Variants in B4GALNT4 observed in about 807,000 individuals in gnomAD.
The protein encoded by B4GALNT4 is beta-1,4-N-acetyl-galactosaminyltransferase 4, also known as N-acetyl-beta-glucosaminyl-glycoprotein 4-beta-N-acetylgalactosaminyltransferase 1.
A neutral mutation model predicts 110.0 loss-of-function variants in B4GALNT4; 77 were observed. The ratio of observed to expected loss-of-function variants is 0.70; its 90% CI spans 0.58 to 0.85. The LOEUF (loss-of-function observed/expected upper bound fraction) is 0.85. Ranked by LOEUF, B4GALNT4 falls within the 40% of genes least tolerant of loss-of-function variation. The probability of loss-of-function intolerance (pLI) is 0.00; values close to 1 mark genes in which losing one functional copy is unlikely to be tolerated. For missense variants in B4GALNT4, 1,575 were observed against 1,506.0 expected (o/e 1.05, Z -0.76); for synonymous variants, 785 against 655.5 (o/e 1.20, Z -3.02).
At chr11:377,724 G>A (rs1846788734) in intron 14 of B4GALNT4, among the ~76,000 whole-genome samples, 1 of 152,260 alleles carries the variant, frequency 6.6e-6, no homozygotes, top group South Asian at 2.1e-4. Context: ...TTAGGGCAAA[G>A]CTCAAGACCC....
Position 381,914 on chromosome 11 carries a change from CTG to C in B4GALNT4, c.*123_*124del. 2.5e-6 allele frequency: 3 copies of C among 1,210,866 alleles called. No individual in the cohort carries two copies. Among genetic ancestry groups the C allele is most frequent in the Non-Finnish European group, 3.2e-6 (3 of 924,736 alleles). 75.0% of individuals were successfully genotyped at this position (1,210,866 alleles called of 1,614,324 possible). On this transcript the variant is annotated 3_prime_UTR_variant, in exon 20 of 20. Coordinates refer to ENST00000329962, the MANE Select transcript of B4GALNT4 (RefSeq NM_178537.5). ...AGAGGGGCACAGCCACCGCCTGTGCCTGCCCCTCTCTGGCCCACTGGGCGTCG... is the reference window on the plus strand; with the variant it reads ...AGAGGGGCACAGCCACCGCCTGTGCCCCCCTCTCTGGCCCACTGGGCGTCG...
Position 373,712 on chromosome 11 carries a change from C to G in B4GALNT4, c.705-38C>G, listed in dbSNP as rs370823146. ...TTCCCTGCCTCCACTATTTGAGCGT[C>G]CTGTGCATGGCACGACCCTTGCTCC... On this transcript the variant is annotated intron_variant, in intron 7 of 19. Transcript: ENST00000329962. 19 of 1,604,376 alleles carry G rather than the reference C, an allele frequency of 1.2e-5. No individual in the cohort carries two copies. The African/African-American group carries it at 2.4e-4, about 20-fold the overall frequency.
At chr11:379,365 G>C (rs1440248797) in intron 14 of B4GALNT4, 53 bp from the exon 15 acceptor site, 5 of 1,421,618 alleles carry the variant, frequency 3.5e-6, no homozygotes, top group Middle Eastern at 2.6e-4. Context: ...CCAGGGTTGC[G>C]GGCGGGGTGC....
rs778853388 is a variant in B4GALNT4, at chr11:379,850, G to A, written c.2489-16G>A. The A allele has an allele frequency of 3.9e-6, 6 of 1,524,258 alleles. No homozygotes were observed. Among genetic ancestry groups the A allele is most frequent in the Admixed American group, 2.0e-5 (1 of 50,108 alleles). The allele number at this position is 1,524,258 out of a possible 1,614,324, so 94.4% of individuals were successfully genotyped here. Reference sequence around the variant, plus strand: ...TCAGCGTCGGCTCAGCGCCCCCCCCGCCTTTTCTCCTCCAGTGAAAAACCA... The same window carrying A: ...TCAGCGTCGGCTCAGCGCCCCCCCCACCTTTTCTCCTCCAGTGAAAAACCA... On this transcript the variant is annotated splice_polypyrimidine_tract_variant and intron_variant, in intron 15 of 19. Coordinates refer to ENST00000329962, the MANE Select transcript of B4GALNT4 (RefSeq NM_178537.5).
Position 377,313 on chromosome 11 carries a change from C to A in B4GALNT4, c.2190C>A (p.Asn730Lys). ...CCGCTCAGTACATGGAGCGGCTGAA[C>A]GCGCGCCACGGCGGGTATGGGGGCG... ...DVTAQYMERL[N>K]ARHGGRFALL... The change falls in exon 14 of 20, where the codon AAC becomes AAA. Residue 730 changes from asparagine to lysine, a missense_variant. Asn to Lys is a moderately conservative substitution (Grantham distance 94). Coordinates refer to ENST00000329962, the MANE Select transcript of B4GALNT4 (RefSeq NM_178537.5). 2 of 1,545,964 alleles carry A rather than the reference C, an allele frequency of 1.3e-6. No homozygotes were observed. Among genetic ancestry groups the A allele is most frequent in the Non-Finnish European group, 1.7e-6 (2 of 1,148,818 alleles).
intron 19 of B4GALNT4, among the ~76,000 whole-genome samples, chr11:381,357 C>G (rs1846872569): frequency 7.6e-6 from 1 of 131,284 alleles, no homozygotes; most frequent in Non-Finnish European, 1.7e-5. Flanking sequence ...GGGGTCCTGA[C>G]CACCTCTCCG....
chr11:376,175 G>T lies in B4GALNT4; in HGVS notation c.1196+1G>T. The T allele has an allele frequency of 6.2e-7, 1 of 1,610,098 alleles. No individual in the cohort carries two copies. On this transcript the variant is annotated splice_donor_variant, in intron 12 of 19. Transcript: ENST00000329962. LOFTEE classifies it high-confidence loss of function. Reference sequence around the variant, plus strand: ...GCGAGTCTCCGCTGTATCTGGAGAGGTGGGCGCGCGGCCGGGCTAATGCGG... The same window carrying T: ...GCGAGTCTCCGCTGTATCTGGAGAGTTGGGCGCGCGGCCGGGCTAATGCGG...
chr11:376,596 C>A lies in B4GALNT4; in HGVS notation c.1473C>A (p.Ser491=). The A allele has an allele frequency of 7.2e-7, 1 of 1,384,264 alleles. No individual in the cohort carries two copies. The highest frequency in any genetic ancestry group is 1.5e-5 in the South Asian group (1 of 66,096). 85.7% of individuals were successfully genotyped at this position (1,384,264 alleles called of 1,614,324 possible). ...GGGACGGGGGGACCCCCAGGCACTC[C>A]CGGGCCCTGAGCTGGGCCGCCAGGG... ...RPRDGGTPRH[S]RALSWAARAA... Residue 491 remains serine, a synonymous_variant, in exon 14 of 20, where the codon TCC becomes TCA. Transcript: ENST00000329962.
At chr11:374,590 TG>T (rs1257525756) in intron 8 of B4GALNT4, among the ~76,000 whole-genome samples, 28 of 27,196 alleles carry the variant, frequency 1.0e-3, no homozygotes, top group African/African-American at 3.8e-3. Context: ...GGGGGTAGAG[TG>T]GGGGGGGCAT....
intron 1 of B4GALNT4, among the ~76,000 whole-genome samples, chr11:370,433 TG>T: frequency 1.3e-5 from 2 of 151,938 alleles, no homozygotes; most frequent in South Asian, 4.2e-4. Context: ...CCGGTGCAGC[TG>T]GGACGCTTCC....
At chr11:374,264 C>T (rs1278687954) in intron 8 of B4GALNT4, among the ~76,000 whole-genome samples, 1 of 152,072 alleles carries the variant, frequency 6.6e-6, no homozygotes, top group Admixed American at 6.6e-5. Flanking sequence ...GGAAAAAACC[C>T]CTGGCCACAA....
Position 381,848 on chromosome 11 carries a change from G to C in B4GALNT4, c.*56G>C. 6.7e-7 allele frequency: 1 copy of C among 1,503,448 alleles called. No homozygotes were observed. The highest frequency in any genetic ancestry group is 8.9e-7 in the Non-Finnish European group (1 of 1,128,628). 93.1% of individuals were successfully genotyped at this position (1,503,448 alleles called of 1,614,324 possible). On this transcript the variant is annotated 3_prime_UTR_variant, in exon 20 of 20. Transcript: ENST00000329962. ...AGTCCCGAGGCAGCTGCTGGGGGCT[G>C]GGCTTTGAGCTCGGTCCCGAGAGAC...
At chr11:378,909 G>C (rs1199516572) in intron 14 of B4GALNT4, among the ~76,000 whole-genome samples, 2 of 152,094 alleles carry the variant, frequency 1.3e-5, no homozygotes, top group East Asian at 3.9e-4. Flanking sequence ...GAGGACTGGG[G>C]CAAACATCCC....
In B4GALNT4 at chr11:374,700, G is replaced by A. The variant is rs200941280; in HGVS notation, c.784-761G>A. On this transcript the variant is annotated intron_variant, in intron 8 of 19. Coordinates refer to ENST00000329962, the MANE Select transcript of B4GALNT4 (RefSeq NM_178537.5). ...GGGGGGCCTCAGGGAGGGAGGGAGG[G>A]GGAAGGGAGGGAGGGGGAAGGGAGG... Among the ~76,000 whole-genome samples, 2 of 782 alleles carry A rather than the reference G, an allele frequency of 2.6e-3. 1 individual carries two copies. The highest frequency in any genetic ancestry group is 0.056 in the African/African-American group (2 of 36). 0.5% of individuals were successfully genotyped at this position (782 alleles called of 152,430 possible). A position where few individuals can be genotyped will look rare whatever the true frequency, so the allele number is the denominator to read the frequency against.
rs767920451 is a variant in B4GALNT4 at position 377,190 on chromosome 11, C to T, written c.2067C>T (p.Gly689=). Residue 689 remains glycine (G), a synonymous_variant, in exon 14 of 20, where the codon GGC becomes GGT. Transcript: ENST00000329962. The part of the protein sequence containing the change: ...AIDWQRTFSV[G]AVDFELLRSD... ...ACTGGCAGCGCACGTTCAGCGTGGG[C>T]GCCGTGGACTTCGAGCTGCTGCGCT... The T allele has an allele frequency of 5.0e-6, 8 of 1,585,510 alleles. No homozygotes were observed. The South Asian group carries it at 6.9e-5, about 14-fold the overall frequency.
chr11:381,798 G>A lies in B4GALNT4; in HGVS notation c.*6G>A, dbSNP rs1846882613. 1 of 1,572,144 alleles carries A rather than the reference G, an allele frequency of 6.4e-7. No homozygotes were observed. The highest frequency in any genetic ancestry group is 8.6e-7 in the Non-Finnish European group (1 of 1,163,470). The stretch of plus-strand genomic sequence containing the variant: ...CTCGCACGGGGGCGTCTTGAGGACG[G>A]GCAGCCCCTCCCAGCCCCGGTGGGA... On this transcript the variant is annotated 3_prime_UTR_variant, in exon 20 of 20. Coordinates refer to ENST00000329962, the MANE Select transcript of B4GALNT4 (RefSeq NM_178537.5).
chr11:371,097 G>C (rs1186234120), intron 1 of B4GALNT4, among the ~76,000 whole-genome samples: 1 of 152,148 alleles, frequency 6.6e-6, no homozygotes, highest in African/African-American at 2.4e-5. Flanking sequence ...GCAGCGCAGG[G>C]GTCTAAGCCC....
At position 369,802 on chromosome 11, in the gene B4GALNT4, C is replaced by G; in HGVS notation, c.-2C>G. The G allele has an allele frequency of 4.1e-6, 4 of 980,286 alleles. No homozygotes were observed. Among genetic ancestry groups the G allele is most frequent in the Non-Finnish European group, 4.8e-6 (4 of 828,086 alleles). 60.7% of individuals were successfully genotyped at this position (980,286 alleles called of 1,614,324 possible). On this transcript the variant is annotated 5_prime_UTR_variant, in exon 1 of 20. Coordinates refer to ENST00000329962, the MANE Select transcript of B4GALNT4 (RefSeq NM_178537.5). ...CGGCCTGGGGCGGGCGCGGCGGCCG[C>G]GATGCCGCGGCTCCCGGTGAAGAAG...
chr11:376,828 C>A lies in B4GALNT4; in HGVS notation c.1705C>A (p.Pro569Thr). 1 of 1,341,974 alleles carries A rather than the reference C, an allele frequency of 7.5e-7. No homozygotes were observed. Among genetic ancestry groups the A allele is most frequent in the Non-Finnish European group, 9.6e-7 (1 of 1,045,590 alleles). The allele number at this position is 1,341,974 out of a possible 1,614,324, so 83.1% of individuals were successfully genotyped here. ...GCCCAGAGTGCAGCTGCGGGCGCCCCCACGCCCACCCCGGCCCCACGGCCG... is the reference window on the plus strand; with the variant it reads ...GCCCAGAGTGCAGCTGCGGGCGCCCACACGCCCACCCCGGCCCCACGGCCG... Reference protein sequence around the residue: ...PLPRVQLRAPPRPPRPHGRRT... With the variant: ...PLPRVQLRAPTRPPRPHGRRT... Residue 569 changes from proline to threonine, a missense_variant, in exon 14 of 20, where the codon CCA becomes ACA. Physicochemically the swap from Pro to Thr is conservative, Grantham distance 38 (BLOSUM62 -1). Coordinates refer to ENST00000329962, the MANE Select transcript of B4GALNT4 (RefSeq NM_178537.5).
Sources: gnomAD v4.1 joint callset for allele counts (sites outside exome capture counted in the v4.1 genomes callset) on GRCh38, gnomAD v4.1.1 for gene constraint, MANE v1.5 for transcripts, NCBI Gene and HGNC (gene_info 2026-07-23, HGNC 2026-07-21) for gene names.